LRRFIP2: variants seen among roughly 807,000 people sequenced by gnomAD.
The protein encoded by LRRFIP2 is LRR binding FLII interacting protein 2, also known as leucine-rich repeat flightless-interacting protein 2.
A neutral mutation model predicts 125.9 loss-of-function variants in LRRFIP2; 109 were observed. The ratio of observed to expected loss-of-function variants is 0.87; its 90% CI spans 0.74 to 1.01. The LOEUF is 1.01. LRRFIP2 is among the 50% of genes least tolerant of loss of function. The pLI is 0.00. For missense variants in LRRFIP2, 850 were observed against 862.3 expected, an observed-to-expected ratio of 0.99 and a Z score of 0.18; for synonymous variants, 291 against 293.1, an observed-to-expected ratio of 0.99 and a Z score of 0.07.
chr3:37,114,313 G>C (rs2094676990), intron 7 of LRRFIP2, among the ~76,000 whole-genome samples: 1 of 152,076 alleles, frequency 6.6e-6, no homozygotes, highest in African/African-American at 2.4e-5. Context: ...TGATGTCTTA[G>C]GTGTCCTCTA....
At chr3:37,054,591 C>A in intron 26 of LRRFIP2, 76 bp from the exon 27 acceptor site, 1 of 943,510 alleles carries the variant, frequency 1.1e-6, no homozygotes, top group South Asian at 1.4e-5. Flanking sequence ...GATGGAAATA[C>A]AATGTCATTA....
intron 1 of LRRFIP2, among the ~76,000 whole-genome samples, chr3:37,164,386 G>C (rs2096422197): frequency 1.3e-5 from 2 of 152,184 alleles, no homozygotes. Context: ...ACCATCCGAA[G>C]ATACTCCTAT....
rs2094273611 is a variant in LRRFIP2 at position 37,105,488 on chromosome 3, A to C, written c.750T>G (p.Ser250=). The C allele has an allele frequency of 6.2e-7, 1 of 1,613,910 alleles. No homozygotes were observed. The highest frequency in any genetic ancestry group is 8.5e-7 in the Non-Finnish European group (1 of 1,179,914). ...TNDDTASIVS[S]DRASRGRRES... is the part of the protein sequence containing the mutation. The stretch of plus-strand genomic sequence containing the variant: ...CCCTTCGTCCACGACTGGCACGATC[A>C]GAAGACACAATGCTTGCAGTGTCAT... Residue 250 remains serine (S), a synonymous_variant, in exon 14 of 28, where the codon TCT becomes TCG. Transcript: ENST00000336686.
At chr3:37,175,116 G>GA (rs2096640136), upstream of LRRFIP2, 1 of 152,114 alleles carries the variant, frequency 6.6e-6, no homozygotes. Flanking sequence ...ATGTTATCTT[G>GA]AAAAAATATT....
chr3:37,109,685 T>G lies in LRRFIP2; in HGVS notation c.532A>C (p.Ser178Arg). The change falls in exon 10 of 28, where the codon AGT becomes CGT. Residue 178 changes from serine (S) to arginine (R), a missense_variant. Ser to Arg is a moderately radical substitution (Grantham distance 110, BLOSUM62 -1). Transcript: ENST00000336686. ...CTCTTATATGTTGCCAGAGGGTCAC[T>G]GTACAGGGAAGAAGACTGCTAAGAG... ...YYTRQSSSLY[S>R]DPLATYKSDR... 6.2e-7 allele frequency: 1 copy of G among 1,614,014 alleles called. No individual in the cohort carries two copies. The highest frequency in any genetic ancestry group is 8.5e-7 in the Non-Finnish European group (1 of 1,179,936).
In LRRFIP2 at chr3:37,159,441, C is replaced by CT. The variant is rs1212681786; in HGVS notation, c.-55-10404dup. On this transcript the variant is annotated intron_variant, in intron 1 of 27. Coordinates refer to ENST00000336686, the MANE Select transcript of LRRFIP2 (RefSeq NM_006309.4). ...AAGTGAGTCCTCCAAATTTTTTGTT[C>CT]TTTAACACTGTTTGGCTATTCTGGG... is the stretch of plus-strand genomic sequence containing the variant. 1.1e-4 allele frequency among the ~76,000 whole-genome samples: 16 copies of CT among 152,224 alleles called. No individual in the cohort carries two copies. In the South Asian group the frequency reaches 3.3e-3, roughly 32 times the overall value.
Position 37,091,491 on chromosome 3 carries a change from G to A in LRRFIP2, c.1083C>T (p.Tyr361=), listed in dbSNP as rs745450145. The A allele has an allele frequency of 1.2e-6, 2 of 1,612,262 alleles. No homozygotes were observed. The highest frequency in any genetic ancestry group is 3.4e-5 in the Admixed American group (2 of 59,636). The change falls in exon 18 of 28, where the codon TAC becomes TAT. Residue 361 remains tyrosine, a synonymous_variant. Transcript: ENST00000336686. ...KDQIQDVEGR[Y]MQGLKELKES... ...CCTTTAGTTCTTTAAGCCCCTGCAT[G>A]TATCTCCCTTCTACATCCTGTATCT...
intron 4 of LRRFIP2, 142 bp downstream of exon 4, chr3:37,127,488 A>G: frequency 1.3e-6 from 1 of 791,332 alleles, no homozygotes; most frequent in Non-Finnish European, 2.2e-6. Context: ...CTGGTCCACT[A>G]TAGACAGAAT....
chr3:37,163,061 A>T (rs1258655395), intron 1 of LRRFIP2, among the ~76,000 whole-genome samples: 1 of 152,180 alleles, frequency 6.6e-6, no homozygotes, highest in East Asian at 1.9e-4. Context: ...TCTTGTAAAC[A>T]CTTTAGTTTT....
rs762710371 is a variant in LRRFIP2 at position 37,096,679 on chromosome 3, A to G, written c.874-19T>C. ...CATCCAACTAGAAAAGAACAAAGAT[A>G]AAAATCAGTAAAGATGCTTAGCAAG... On this transcript the variant is annotated intron_variant, in intron 15 of 27. Coordinates refer to ENST00000336686, the MANE Select transcript of LRRFIP2 (RefSeq NM_006309.4). 4 of 1,486,554 alleles carry G rather than the reference A, an allele frequency of 2.7e-6. No homozygotes were observed. The African/African-American group carries it at 5.6e-5, about 21-fold the overall frequency. 92.1% of individuals were successfully genotyped at this position (1,486,554 alleles called of 1,614,324 possible).
chr3:37,152,190 T>TACATC (rs1222308373), intron 1 of LRRFIP2, among the ~76,000 whole-genome samples: 2 of 152,184 alleles, frequency 1.3e-5, no homozygotes, highest in African/African-American at 4.8e-5. Flanking sequence ...TGGAGGCCAT[T>TACATC]ACTGTAAGTG....
intron 4 of LRRFIP2, among the ~76,000 whole-genome samples, chr3:37,123,416 T>C (rs925742170): frequency 2.0e-4 from 31 of 152,204 alleles, no homozygotes; most frequent in Admixed American, 2.0e-3. Flanking sequence ...CTCGAATTCC[T>C]GACCTCAAGG....
At chr3:37,163,591 C>G (rs775119833) in intron 1 of LRRFIP2, among the ~76,000 whole-genome samples, 1 of 152,210 alleles carries the variant, frequency 6.6e-6, no homozygotes, top group Non-Finnish European at 1.5e-5. Context: ...CACTCTGTCA[C>G]TGCTTTTCAA....
intron 1 of LRRFIP2, among the ~76,000 whole-genome samples, chr3:37,162,413 A>G (rs2096372965): frequency 6.6e-6 from 1 of 152,178 alleles, no homozygotes. Flanking sequence ...AAGACTTTCA[A>G]AAGTAATTCT....
intron 2 of LRRFIP2, chr3:37,140,420 C>CTTTA (rs10663817): frequency 0.53 from 79,918 of 151,302 alleles, 22,116 homozygotes; most frequent in African/African-American, 0.62. Context: ...TGTGAAGCAT[C>CTTTA]TTTATTTATT....
At chr3:37,165,149 G>T (rs2096446653) in intron 1 of LRRFIP2, among the ~76,000 whole-genome samples, 2 of 151,278 alleles carry the variant, frequency 1.3e-5, no homozygotes, top group South Asian at 2.1e-4. Flanking sequence ...GCAGGAGAAT[G>T]GCGTGAACCT....
chr3:37,092,101 T>C (rs558698785), intron 17 of LRRFIP2, among the ~76,000 whole-genome samples: 1 of 152,190 alleles, frequency 6.6e-6, no homozygotes, highest in Admixed American at 6.5e-5. Context: ...TTGAACAGAA[T>C]GTCAAATGAG....
chr3:37,156,660 C>A (rs544010637), intron 1 of LRRFIP2, among the ~76,000 whole-genome samples: 2 of 96,522 alleles, frequency 2.1e-5, no homozygotes, highest in African/African-American at 8.3e-5. Context: ...GGCGACAGAG[C>A]GAGACTCAGT....
intron 1 of LRRFIP2, among the ~76,000 whole-genome samples, chr3:37,168,559 GGAT>G (rs988761883): frequency 6.6e-6 from 1 of 152,186 alleles, no homozygotes; most frequent in African/African-American, 2.4e-5. Flanking sequence ...AGCTTGTTTA[GGAT>G]GATGAAAAAG....
Sources: allele counts gnomAD v4.1 joint callset (sites outside exome capture counted in the v4.1 genomes callset), GRCh38; gene constraint gnomAD v4.1.1; transcripts MANE v1.5; gene names NCBI Gene and HGNC (gene_info 2026-07-23, HGNC 2026-07-21).